NFATC1: variants seen among roughly 807,000 people sequenced by gnomAD.
The protein encoded by NFATC1 is nuclear factor of activated T-cells, cytoplasmic 1.
NFATC1 carries 22 observed loss-of-function variants against 76.0 expected under a neutral mutation model. The ratio of observed to expected loss-of-function variants is 0.29; its 90% confidence interval spans 0.21 to 0.41. The LOEUF is 0.41. Among genes scored for constraint, NFATC1 ranks in the 10% least tolerant of loss-of-function variants. The probability of loss-of-function intolerance (pLI) is 1.00; values close to 1 mark genes in which losing one functional copy is unlikely to be tolerated. For missense variants in NFATC1, 1,357 were observed against 1,337.7 expected, an observed-to-expected ratio of 1.01 and a Z score of -0.23; for synonymous variants, 704 against 613.1, an observed-to-expected ratio of 1.15 and a Z score of -2.19.
intron 6 of NFATC1, among the ~76,000 whole-genome samples, chr18:79,460,861 G>A (rs1055859990): frequency 1.3e-5 from 2 of 152,158 alleles, no homozygotes; most frequent in African/African-American, 4.8e-5. Flanking sequence ...CCAGGTCCAC[G>A]CACAGACGCC....
intron 4 of NFATC1, among the ~76,000 whole-genome samples, chr18:79,450,561 G>A (rs2087425158): frequency 6.6e-6 from 1 of 152,158 alleles, no homozygotes; most frequent in Non-Finnish European, 1.5e-5. Context: ...GCCGCTCTCT[G>A]CCGCTCTGGT....
At chr18:79,495,037 G>A (rs1037446294) in intron 9 of NFATC1, among the ~76,000 whole-genome samples, 5 of 152,252 alleles carry the variant, frequency 3.3e-5, no homozygotes, top group African/African-American at 9.6e-5. Context: ...GAGAACCCTG[G>A]GGCAGCTGCA....
At chr18:79,450,736 C>T (rs763607080) in intron 4 of NFATC1, among the ~76,000 whole-genome samples, 5 of 152,178 alleles carry the variant, frequency 3.3e-5, no homozygotes, top group Non-Finnish European at 5.9e-5. Context: ...CTCTGCTTGC[C>T]CCCTCGCCTG....
At chr18:79,474,017 G>A (rs1249332719) in intron 8 of NFATC1, among the ~76,000 whole-genome samples, 4 of 136,058 alleles carry the variant, frequency 2.9e-5, no homozygotes, top group East Asian at 2.4e-4. Context: ...CACTGTCGAC[G>A]TAAACCTGAG....
In NFATC1 at chr18:79,411,352, C is replaced by A. The variant is rs1251219000; in HGVS notation, c.1077C>A (p.Ser359Arg). The A allele has an allele frequency of 6.3e-7, 1 of 1,589,916 alleles. No individual in the cohort carries two copies. The highest frequency in any genetic ancestry group is 8.5e-7 in the Non-Finnish European group (1 of 1,170,776). The change falls in exon 2 of 10, where the codon AGC (serine) becomes AGA (arginine). Residue 359 changes from serine to arginine, a missense_variant. Physicochemically the swap from Ser to Arg is moderately radical, Grantham distance 110. Transcript: ENST00000427363. Reference sequence around the variant, plus strand: ...AGCCCGTCGGGGAGGACCTGGGCAGCCCCCCGCCCCCGGCCGACTTCGCGC... The same window carrying A: ...AGCCCGTCGGGGAGGACCTGGGCAGACCCCCGCCCCCGGCCGACTTCGCGC... ...KVEPVGEDLG[S>R]PPPPADFAPE...
chr18:79,490,040 C>CA (rs2089631026), intron 9 of NFATC1, among the ~76,000 whole-genome samples: 1 of 152,238 alleles, frequency 6.6e-6, no homozygotes, highest in African/African-American at 2.4e-5. Flanking sequence ...AGGACCACAG[C>CA]AGTTAGGGCT....
intron 3 of NFATC1, among the ~76,000 whole-genome samples, chr18:79,445,590 T>C (rs571885313): frequency 7.9e-5 from 12 of 152,318 alleles, no homozygotes; most frequent in African/African-American, 2.6e-4. Flanking sequence ...TAATCCAGCA[T>C]GGGGGGAATC....
rs141604707 is a variant in NFATC1, at chr18:79,451,719, C to T, written c.1806C>T (p.Ser602=). The part of the protein sequence containing the change: ...AQELPLVEKQ[S]TDSYPVVGGK... The stretch of plus-strand genomic sequence containing the variant: ...AGCTGCCTCTGGTGGAGAAGCAGAG[C>T]ACGGACAGCTATCCGGTCGTGGGCG... Residue 602 remains serine (S), a synonymous_variant, in exon 6 of 10, where the codon AGC becomes AGT. Transcript: ENST00000427363. 93 of 1,612,892 alleles carry T rather than the reference C, an allele frequency of 5.8e-5. No homozygotes were observed. The African/African-American group carries it at 1.1e-3, about 19-fold the overall frequency.
Position 79,448,962 on chromosome 18 carries a change from C to T in NFATC1, c.1567C>T (p.Pro523Ser). ...CAAAGTCCTGGAGATCCCACTCCTG[C>T]CGGAGAACAGCATGCGAGCCGTGTA... Reference protein sequence around the residue: ...NTKVLEIPLLPENSMRAVIDC... With the variant: ...NTKVLEIPLLSENSMRAVIDC... The change falls in exon 4 of 10, where the codon CCG (proline) becomes TCG (serine). Residue 523 changes from proline to serine, a missense_variant. Physicochemically the swap from Pro to Ser is moderately conservative, Grantham distance 74. Transcript: ENST00000427363. 2 of 1,613,306 alleles carry T rather than the reference C, an allele frequency of 1.2e-6. No individual in the cohort carries two copies.
In NFATC1 at chr18:79,528,075, G is replaced by A. The variant is rs1040234816; in HGVS notation, c.*498G>A. ...TGAATGAAGAGAACGCTGGAAGGCT[G>A]CGAGAGGACTCTAGTATGAGTCTCC... is the stretch of plus-strand genomic sequence containing the variant. On this transcript the variant is annotated 3_prime_UTR_variant, in exon 10 of 10. Transcript: ENST00000427363. 2.5e-6 allele frequency: 1 copy of A among 403,056 alleles called. No individual in the cohort carries two copies. Among genetic ancestry groups the A allele is most frequent in the African/African-American group, 2.0e-5 (1 of 48,930 alleles). The allele number at this position is 403,056 out of a possible 1,614,324, so 25.0% of individuals were successfully genotyped here. A position where few individuals can be genotyped will look rare whatever the true frequency, so the allele number is the denominator to read the frequency against.
chr18:79,410,856 C>T lies in NFATC1; in HGVS notation c.581C>T (p.Ser194Leu), dbSNP rs2085646702. ...SEASSYESNY[S>L]YPYASPQTSP... ...GCCTCCTCCTACGAGTCCAACTACTCGTACCCGTACGCGTCCCCCCAGACG... is the reference window on the plus strand; with the variant it reads ...GCCTCCTCCTACGAGTCCAACTACTTGTACCCGTACGCGTCCCCCCAGACG... The change falls in exon 2 of 10, where the codon TCG (serine) becomes TTG (leucine). Residue 194 changes from serine to leucine, a missense_variant. Coordinates refer to ENST00000427363, the MANE Select transcript of NFATC1 (RefSeq NM_001278669.2). The surrounding 1 kb of genome is among the most constrained non-coding windows in gnomAD (Gnocchi z 6.7). 9 of 1,610,008 alleles carry T rather than the reference C, an allele frequency of 5.6e-6. No homozygotes were observed. Among genetic ancestry groups the T allele is most frequent in the Non-Finnish European group, 7.6e-6 (9 of 1,178,694 alleles).
At chr18:79,448,623 G>C in intron 3 of NFATC1, 159 bp from the exon 4 acceptor site, 1 of 710,910 alleles carries the variant, frequency 1.4e-6, no homozygotes, top group Non-Finnish European at 2.3e-6. Flanking sequence ...TTTCTAATCT[G>C]ATTTACAAAG....
At chr18:79,461,213 C>T (rs2088058716) in intron 6 of NFATC1, 98 bp from the exon 7 acceptor site, 2 of 1,443,136 alleles carry the variant, frequency 1.4e-6, no homozygotes, top group East Asian at 4.6e-5. Context: ...AAGGCGCCCT[C>T]CTGGCTCAGG....
chr18:79,483,624 C>T (rs9748849), intron 8 of NFATC1, among the ~76,000 whole-genome samples: 13,785 of 85,712 alleles, frequency 0.16, 2,618 homozygotes, highest in African/African-American at 0.42. Context: ...GTTCCTGGGG[C>T]GTCACTCTGG....
intron 6 of NFATC1, among the ~76,000 whole-genome samples, chr18:79,453,323 G>A (rs2087553464): frequency 6.6e-6 from 1 of 152,222 alleles, no homozygotes; most frequent in Non-Finnish European, 1.5e-5. Flanking sequence ...CCTTGGCAGA[G>A]CCTCCCCCCG....
Position 79,410,855 on chromosome 18 carries a change from TCGTACC to T in NFATC1, c.586_591del (p.Pro196_Tyr197del). On this transcript the variant is annotated inframe_deletion, in exon 2 of 10. Transcript: ENST00000427363. The surrounding 1 kb of genome is among the most constrained non-coding windows in gnomAD (Gnocchi z 6.7). ...GGCCTCCTCCTACGAGTCCAACTAC[TCGTACC>T]CGTACGCGTCCCCCCAGACGTCGCC... is the stretch of plus-strand genomic sequence containing the variant. The T allele has an allele frequency of 6.2e-7, 1 of 1,610,452 alleles. No individual in the cohort carries two copies. Among genetic ancestry groups the T allele is most frequent in the Non-Finnish European group, 8.5e-7 (1 of 1,178,930 alleles).
intron 3 of NFATC1, among the ~76,000 whole-genome samples, chr18:79,443,489 A>AG (rs1345745210): frequency 6.6e-6 from 1 of 152,178 alleles, no homozygotes; most frequent in East Asian, 1.9e-4. Flanking sequence ...TGTCATGGGA[A>AG]GGGGCCTGGA....
intron 8 of NFATC1, among the ~76,000 whole-genome samples, chr18:79,472,820 G>C (rs1028856965): frequency 6.6e-6 from 1 of 152,230 alleles, no homozygotes; most frequent in African/African-American, 2.4e-5. Context: ...CCCTGGCCTC[G>C]CGGCGCTCTG....
chr18:79,455,781 C>CGGCCGCCCCATCTCAT (rs2087689744), intron 6 of NFATC1, among the ~76,000 whole-genome samples: 2 of 15,152 alleles, frequency 1.3e-4, no homozygotes, highest in East Asian at 1.5e-3. Flanking sequence ...CCCCATCCCA[C>CGGCCGCCCCATCTCAT]GGCCGCCCCA....
Sources: allele counts gnomAD v4.1 joint callset (sites outside exome capture counted in the v4.1 genomes callset), GRCh38; gene constraint gnomAD v4.1.1; non-coding constraint Gnocchi (gnomAD v3.1); transcripts MANE v1.5; gene names NCBI Gene and HGNC (gene_info 2026-07-23, HGNC 2026-07-21).